The following HDAC9 variants were observed in gnomAD, a reference collection of about 807,000 sequenced individuals.
The protein encoded by HDAC9 is histone deacetylase 9, also known as MEF-2 interacting transcription repressor (MITR) protein.
HDAC9 carries 41 observed loss-of-function variants against 139.4 expected under a neutral mutation model. That is an observed-to-expected ratio of 0.29 (90% CI 0.23 to 0.38). HDAC9 has a LOEUF of 0.38. HDAC9 is among the 10% of genes least tolerant of loss of function. The probability of loss-of-function intolerance (pLI) is 1.00; values close to 1 mark genes in which losing one functional copy is unlikely to be tolerated. For missense variants in HDAC9, 1,147 were observed against 1,297.0 expected (o/e 0.88, Z 1.78); for synonymous variants, 517 against 476.2 (o/e 1.09, Z -1.12).
At chr7:18,669,812 T>G (rs1422405999) in intron 12 of HDAC9, among the ~76,000 whole-genome samples, 1 of 151,888 alleles carries the variant, frequency 6.6e-6, no homozygotes, top group Admixed American at 6.6e-5. Flanking sequence ...TGCCAAGTCT[T>G]GAAATAAATA....
At chr7:18,199,450 A>C (rs1215496966) in intron 2 of HDAC9, among the ~76,000 whole-genome samples, 1 of 152,120 alleles carries the variant, frequency 6.6e-6, no homozygotes, top group East Asian at 1.9e-4. Context: ...ATATAAACCC[A>C]AGGATCTGCT....
rs536145416 is a variant in HDAC9, at chr7:18,300,228, T to C, written c.-42+9713T>C. Among the ~76,000 whole-genome samples, 1,035 of 151,802 alleles carry C rather than the reference T, an allele frequency of 6.8e-3. 9 individuals are homozygous for C. The highest frequency in any genetic ancestry group is 0.024 in the African/African-American group (987 of 41,394). ...TTTTTAGCTCATCGGCTATCATTAG[T>C]GTTAGTGCATTTTATGTGTGGCCCA... On this transcript the variant is annotated intron_variant, in intron 1 of 3. Coordinates refer to the HDAC9 transcript ENST00000413509.
intron 22 of HDAC9, among the ~76,000 whole-genome samples, chr7:18,912,452 A>G (rs1802826548): frequency 6.6e-6 from 1 of 152,104 alleles, no homozygotes; most frequent in Admixed American, 6.6e-5. Flanking sequence ...GAAACATTTG[A>G]AAATATGTTA....
intron 12 of HDAC9, among the ~76,000 whole-genome samples, chr7:18,720,870 A>T (rs1315587036): frequency 6.6e-6 from 1 of 151,950 alleles, no homozygotes; most frequent in Non-Finnish European, 1.5e-5. Context: ...TTATAGAGAT[A>T]GGGTCTCCCT....
chr7:18,294,966 A>G (rs771772417), intron 1 of HDAC9, among the ~76,000 whole-genome samples: 1 of 152,096 alleles, frequency 6.6e-6, no homozygotes, highest in African/African-American at 2.4e-5. Flanking sequence ...GTGTTTAGCA[A>G]CTGGGTCTAG....
intron 2 of HDAC9, among the ~76,000 whole-genome samples, chr7:18,509,641 T>TG (rs35536634): frequency 1.3e-5 from 2 of 152,222 alleles, no homozygotes; most frequent in Non-Finnish European, 2.9e-5. Flanking sequence ...TGGTCATCAC[T>TG]GGGGAAAATT....
At chr7:18,404,343 G>A (rs1009315802) in intron 1 of HDAC9, among the ~76,000 whole-genome samples, 3 of 151,882 alleles carry the variant, frequency 2.0e-5, no homozygotes, top group African/African-American at 7.3e-5. Flanking sequence ...TTTTTTTAAA[G>A]GGAAAAATAA....
intron 1 of HDAC9, among the ~76,000 whole-genome samples, chr7:18,412,435 C>CT: frequency 6.6e-6 from 1 of 152,212 alleles, no homozygotes. Context: ...TCCCACAGTA[C>CT]TATAAGGGAT....
intron 23 of HDAC9, chr7:18,949,600 A>C (rs1478026202): frequency 5.5e-6 from 1 of 182,754 alleles, no homozygotes; most frequent in African/African-American, 2.4e-5. Context: ...GCAATTCATC[A>C]TAGGTACCAG....
At chr7:18,241,903 C>T (rs1794211247) in intron 2 of HDAC9, among the ~76,000 whole-genome samples, 1 of 152,154 alleles carries the variant, frequency 6.6e-6, no homozygotes, top group South Asian at 2.1e-4. Flanking sequence ...TAAGATAGAG[C>T]CTAGGTCTGT....
At chr7:18,807,213 C>G (rs1460159754) in intron 17 of HDAC9, among the ~76,000 whole-genome samples, 1 of 152,112 alleles carries the variant, frequency 6.6e-6, no homozygotes, top group Non-Finnish European at 1.5e-5. Context: ...TTATCTGTGT[C>G]TGTAGGTTAT....
At chr7:18,640,279 G>A (rs183110112) in intron 8 of HDAC9, among the ~76,000 whole-genome samples, 4 of 143,350 alleles carry the variant, frequency 2.8e-5, no homozygotes, top group Admixed American at 1.4e-4. Context: ...AGGAGTTTGA[G>A]CCCAAGAGTT....
chr7:18,860,781 A>G (rs899672269), intron 21 of HDAC9, among the ~76,000 whole-genome samples: 49 of 152,316 alleles, frequency 3.2e-4, no homozygotes, highest in African/African-American at 1.1e-3. Context: ...GTCAGCACCC[A>G]CTGGAACTAT....
intron 1 of HDAC9, among the ~76,000 whole-genome samples, chr7:18,102,745 AC>A (rs993720808): frequency 2.1e-4 from 32 of 152,284 alleles, no homozygotes; most frequent in African/African-American, 6.5e-4. Flanking sequence ...AGAATTTTAA[AC>A]CATGTGACAA....
chr7:18,486,253 G>A (rs1408325151), intron 1 of HDAC9, among the ~76,000 whole-genome samples: 1 of 152,092 alleles, frequency 6.6e-6, no homozygotes, highest in Non-Finnish European at 1.5e-5. Flanking sequence ...AACTATACCA[G>A]TTATATAGTT....
chr7:18,715,222 A>T (rs1318949347), intron 12 of HDAC9, among the ~76,000 whole-genome samples: 1 of 149,226 alleles, frequency 6.7e-6, no homozygotes, highest in African/African-American at 2.5e-5. Flanking sequence ...TCAAACACTT[A>T]TCTATTTTAA....
intron 25 of HDAC9, among the ~76,000 whole-genome samples, chr7:18,990,352 G>A (rs892374028): frequency 3.9e-5 from 6 of 152,078 alleles, no homozygotes; most frequent in African/African-American, 1.5e-4. Flanking sequence ...CTCCCAGTTA[G>A]GCTGCTCGTG....
At chr7:18,230,199 G>A (rs932939982) in intron 2 of HDAC9, among the ~76,000 whole-genome samples, 2 of 152,130 alleles carry the variant, frequency 1.3e-5, no homozygotes, top group African/African-American at 4.8e-5. Flanking sequence ...AAACTTAGGG[G>A]CTGATTTAAG....
chr7:18,869,226 C>G (rs2129241200), intron 21 of HDAC9, among the ~76,000 whole-genome samples: 1 of 147,398 alleles, frequency 6.8e-6, no homozygotes, highest in East Asian at 2.0e-4. Flanking sequence ...TTGTCTTGGT[C>G]CGGATCTGTG....
Sources: gnomAD v4.1 joint callset for allele counts (sites outside exome capture counted in the v4.1 genomes callset) on GRCh38, gnomAD v4.1.1 for gene constraint, MANE v1.5 for transcripts, NCBI Gene and HGNC (gene_info 2026-07-23, HGNC 2026-07-21) for gene names.